Variants in CHD5 observed in about 807,000 individuals in gnomAD.
The protein encoded by CHD5 is chromodomain helicase DNA binding protein 5, also known as ATP-dependent chromatin remodeler CHD5.
Under a neutral mutation model 230.3 loss-of-function variants are expected in CHD5, and 69 were observed. That is an observed-to-expected ratio of 0.30 (90% CI 0.25 to 0.37). CHD5 has a LOEUF of 0.37. Ranked by LOEUF, CHD5 falls within the 10% of genes least tolerant of loss-of-function variation. The probability of loss-of-function intolerance (pLI) is 1.00; values close to 1 mark genes in which losing one functional copy is unlikely to be tolerated. For missense variants in CHD5, 1,827 were observed against 2,622.8 expected (o/e 0.70, Z 6.63); for synonymous variants, 1,064 against 1,065.9 (o/e 1.00, Z 0.03).
chr1:6,151,301 A>T, intron 6 of CHD5, 146 bp from the exon 7 acceptor site: 1 of 934,646 alleles, frequency 1.1e-6, no homozygotes, highest in Non-Finnish European at 1.5e-6. Flanking sequence ...AACACAGCTG[A>T]AAACCTCACA....
intron 1 of CHD5, among the ~76,000 whole-genome samples, chr1:6,177,142 C>T (rs56981723): frequency 0.15 from 22,392 of 152,264 alleles, 2,934 homozygotes; most frequent in African/African-American, 0.35. Context: ...TAGCCGTAGA[C>T]TGAAAAATCA....
intron 2 of CHD5, among the ~76,000 whole-genome samples, chr1:6,162,826 G>A (rs577355785): frequency 5.9e-5 from 9 of 152,292 alleles, no homozygotes; most frequent in African/African-American, 1.4e-4. Flanking sequence ...GGCGAGACGC[G>A]GTACAGAGGG....
chr1:6,135,176 C>T (rs1337083736), intron 18 of CHD5, 54 bp downstream of exon 18: 5 of 1,602,206 alleles, frequency 3.1e-6, no homozygotes, highest in Non-Finnish European at 1.7e-6. Flanking sequence ...CCCAGGAGAC[C>T]AGCCCAGGGG....
chr1:6,118,709 T>C (rs928640955), intron 33 of CHD5, among the ~76,000 whole-genome samples: 6 of 152,178 alleles, frequency 3.9e-5, no homozygotes, highest in African/African-American at 9.7e-5. Context: ...TTACTTTTTT[T>C]TTTTTGAGAC....
At chr1:6,156,058 C>T (rs1667076255) in intron 3 of CHD5, among the ~76,000 whole-genome samples, 1 of 152,180 alleles carries the variant, frequency 6.6e-6, no homozygotes, top group Admixed American at 6.5e-5. Context: ...GAGACCAGGC[C>T]CCCATCCTGA....
chr1:6,154,545 T>A lies in CHD5; in HGVS notation c.745+115A>T. 1.1e-6 allele frequency: 1 copy of A among 920,200 alleles called. No individual in the cohort carries two copies. The highest frequency in any genetic ancestry group is 1.6e-6 in the Non-Finnish European group (1 of 624,226). 57.0% of individuals were successfully genotyped at this position (920,200 alleles called of 1,614,324 possible). Reference sequence around the variant, plus strand: ...GGTCACACAGGCACAGAGCCCTCCATTAGGAGCACCCCAGCTGCCCCTCCC... The same window carrying A: ...GGTCACACAGGCACAGAGCCCTCCAATAGGAGCACCCCAGCTGCCCCTCCC... On this transcript the variant is annotated intron_variant, in intron 5 of 41. Coordinates refer to ENST00000262450, the MANE Select transcript of CHD5 (RefSeq NM_015557.3). This position sits in a 1 kb window ranked among gnomAD's most constrained non-coding sequence, Gnocchi z 7.0.
chr1:6,128,615 A>T lies in CHD5; in HGVS notation c.3620-6T>A. 6.2e-7 allele frequency: 1 copy of T among 1,606,738 alleles called. No individual in the cohort carries two copies. Among genetic ancestry groups the T allele is most frequent in the Non-Finnish European group, 8.5e-7 (1 of 1,173,558 alleles). On this transcript the variant is annotated splice_polypyrimidine_tract_variant and splice_region_variant and intron_variant, in intron 23 of 41. Transcript: ENST00000262450. This position sits in a 1 kb window ranked among gnomAD's most constrained non-coding sequence, Gnocchi z 7.8. ...CTGGCCCTGAGACATCATGCCTGTC[A>T]GACAGAGAAGGAAAGCACTGGTGCA...
chr1:6,178,018 A>G (rs1021332689), intron 1 of CHD5, among the ~76,000 whole-genome samples: 7 of 152,196 alleles, frequency 4.6e-5, no homozygotes, highest in African/African-American at 1.4e-4. Context: ...AGGAGGGGAC[A>G]GAGGCTTGGA....
rs764789004 is a variant in CHD5, at chr1:6,136,841, C to G, written c.2461G>C (p.Val821Leu). The change falls in exon 16 of 42, where the codon GTG (valine) becomes CTG (leucine). Residue 821 changes from valine (V) to leucine (L), a missense_variant. This residue lies in a region of CHD5 where 80 missense variants were observed against 96.4 expected (regional missense o/e 0.83). Transcript: ENST00000262450. Reference protein sequence around the residue: ...MKKEVQIKFHVLLTSYELITI... With the variant: ...MKKEVQIKFHLLLTSYELITI... ...ATGAGCTCATAGGAGGTGAGCAGCACGTGGAATTTGATCTGCACTTCTTTC... is the reference window on the plus strand; with the variant it reads ...ATGAGCTCATAGGAGGTGAGCAGCAGGTGGAATTTGATCTGCACTTCTTTC... 1 of 1,610,868 alleles carries G rather than the reference C, an allele frequency of 6.2e-7. No homozygotes were observed. The highest frequency in any genetic ancestry group is 8.5e-7 in the Non-Finnish European group (1 of 1,177,828).
rs1415976168 is a variant in CHD5, at chr1:6,167,679, C to T, written c.207+471G>A. On this transcript the variant is annotated intron_variant, in intron 2 of 41. Transcript: ENST00000262450. The surrounding 1 kb of genome is among the most constrained non-coding windows in gnomAD (Gnocchi z 4.5). ...AAGGCAGCGGAGCATGCGGCAGCCTCGCCCATCCAGAACCAGCCGAGAACC... is the reference window on the plus strand; with the variant it reads ...AAGGCAGCGGAGCATGCGGCAGCCTTGCCCATCCAGAACCAGCCGAGAACC... Among the ~76,000 whole-genome samples the T allele has an allele frequency of 1.3e-5, 2 of 152,204 alleles. No homozygotes were observed. The highest frequency in any genetic ancestry group is 6.5e-5 in the Admixed American group (1 of 15,286).
chr1:6,142,350 G>A lies in CHD5; in HGVS notation c.2236-22C>T, dbSNP rs749639776. On this transcript the variant is annotated intron_variant, in intron 14 of 41. Transcript: ENST00000262450. The surrounding 1 kb of genome is among the most constrained non-coding windows in gnomAD (Gnocchi z 5.2). The stretch of plus-strand genomic sequence containing the variant: ...GGCCCTGGAGAGAGAGGCCGATGCC[G>A]TGAGACCACCTGCCCTTGGCCAGGA... 83 of 1,596,754 alleles carry A rather than the reference G, an allele frequency of 5.2e-5. No individual in the cohort carries two copies. In the East Asian group the frequency reaches 5.6e-4, roughly 11 times the overall value.
In CHD5 at chr1:6,134,615, C is replaced by G. The variant is rs1474588218; in HGVS notation, c.3012+103G>C. On this transcript the variant is annotated intron_variant, in intron 19 of 41. Coordinates refer to ENST00000262450, the MANE Select transcript of CHD5 (RefSeq NM_015557.3). The surrounding 1 kb of genome is among the most constrained non-coding windows in gnomAD (Gnocchi z 6.3). ...ACAGCCACAGAAATCGCCACAATGGCCAGGAGAACCTATCACAGCGGCCAC... is the reference window on the plus strand; with the variant it reads ...ACAGCCACAGAAATCGCCACAATGGGCAGGAGAACCTATCACAGCGGCCAC... 8.0e-7 allele frequency: 1 copy of G among 1,249,466 alleles called. No homozygotes were observed. Among genetic ancestry groups the G allele is most frequent in the East Asian group, 2.3e-5 (1 of 43,070 alleles). The allele number at this position is 1,249,466 out of a possible 1,614,324, so 77.4% of individuals were successfully genotyped here. A position where few individuals can be genotyped will look rare whatever the true frequency, so the allele number is the denominator to read the frequency against.
At chr1:6,115,315 A>T (rs1038170813) in intron 33 of CHD5, among the ~76,000 whole-genome samples, 1 of 152,136 alleles carries the variant, frequency 6.6e-6, no homozygotes, top group East Asian at 1.9e-4. Flanking sequence ...TTAATTGCAG[A>T]ATTCCAACAT....
In CHD5 at chr1:6,136,612, C is replaced by A. The variant is rs1666750022; in HGVS notation, c.2601G>T (p.Lys867Asn). ...SKFFRVLNSY[K>N]IDYKLLLTGT... ...CTGTCAGCAGCAGCTTGTAATCAAT[C>A]TTGTAGCTGTTTAAGACCCTAAAAA... Residue 867 changes from lysine to asparagine, a missense_variant, in exon 17 of 42, where the codon AAG becomes AAT. Transcript: ENST00000262450. 6.2e-7 allele frequency: 1 copy of A among 1,614,032 alleles called. No homozygotes were observed. The highest frequency in any genetic ancestry group is 1.3e-5 in the African/African-American group (1 of 74,944).
chr1:6,119,119 A>G (rs755441394), intron 33 of CHD5, among the ~76,000 whole-genome samples: 1 of 151,934 alleles, frequency 6.6e-6, no homozygotes, highest in Non-Finnish European at 1.5e-5. Flanking sequence ...TAAACAAAAG[A>G]AAGAGCAACC....
At chr1:6,170,494 C>T (rs943002306) in intron 1 of CHD5, among the ~76,000 whole-genome samples, 4 of 152,170 alleles carry the variant, frequency 2.6e-5, no homozygotes, top group African/African-American at 9.7e-5. Flanking sequence ...GGCCAATGTG[C>T]ACCAGTGGAA....
chr1:6,152,558 A>T lies in CHD5; in HGVS notation c.746-22T>A, dbSNP rs753787162. The T allele has an allele frequency of 5.0e-6, 8 of 1,613,184 alleles. No homozygotes were observed. The South Asian group carries it at 8.8e-5, about 18-fold the overall frequency. ...GGCCCTGAAAAACAGCAGTGATGATAGCCAACCACTGCCACCACTGACGGC... is the reference window on the plus strand; with the variant it reads ...GGCCCTGAAAAACAGCAGTGATGATTGCCAACCACTGCCACCACTGACGGC... On this transcript the variant is annotated intron_variant, in intron 5 of 41. Coordinates refer to ENST00000262450, the MANE Select transcript of CHD5 (RefSeq NM_015557.3).
chr1:6,117,184 G>A (rs1009378504), intron 33 of CHD5, among the ~76,000 whole-genome samples: 2 of 151,904 alleles, frequency 1.3e-5, no homozygotes, highest in African/African-American at 2.4e-5. Flanking sequence ...AATATATAAA[G>A]TACAAAATAA....
intron 7 of CHD5, among the ~76,000 whole-genome samples, chr1:6,150,185 G>A (rs961165285): frequency 7.1e-6 from 1 of 139,930 alleles, no homozygotes; most frequent in African/African-American, 3.0e-5. Context: ...ATGATGGATG[G>A]ACAGAGTGGT....
Sources: allele counts gnomAD v4.1 joint callset (sites outside exome capture counted in the v4.1 genomes callset), GRCh38; gene constraint gnomAD v4.1.1; regional missense constraint gnomAD v4.1.1; non-coding constraint Gnocchi (gnomAD v3.1); transcripts MANE v1.5; gene names NCBI Gene and HGNC (gene_info 2026-07-23, HGNC 2026-07-21).